NRXN1: variants seen among roughly 807,000 people sequenced by gnomAD.
NRXN1 encodes neurexin-1.
A neutral mutation model predicts 150.9 loss-of-function variants in NRXN1; 39 were observed. That is an observed-to-expected ratio of 0.26 (90% CI 0.20 to 0.34). The LOEUF (loss-of-function observed/expected upper bound fraction) is 0.34. NRXN1 is among the 10% of genes least tolerant of loss of function. The pLI is 1.00. For synonymous variants in NRXN1, 924 were observed against 757.0 expected (o/e 1.22, Z -3.62); for missense variants, 1,815 against 1,949.9 (o/e 0.93, Z 1.30).
At chr2:50,814,857 T>C (rs1337559492) in intron 5 of NRXN1, among the ~76,000 whole-genome samples, 1 of 152,166 alleles carries the variant, frequency 6.6e-6, no homozygotes, top group Admixed American at 6.6e-5. Flanking sequence ...GGGAATAAGC[T>C]GGACACCATC....
chr2:50,934,126 T>G (rs1310279521), intron 2 of NRXN1, among the ~76,000 whole-genome samples: 4 of 152,148 alleles, frequency 2.6e-5, no homozygotes, highest in Non-Finnish European at 5.9e-5. Context: ...AGTACCAGCA[T>G]GTGTGTATCT....
At chr2:50,579,892 C>T (rs1218091321) in intron 8 of NRXN1, among the ~76,000 whole-genome samples, 1 of 152,070 alleles carries the variant, frequency 6.6e-6, no homozygotes, top group Non-Finnish European at 1.5e-5. Flanking sequence ...ATGGCAATGT[C>T]ACTAAAGTTA....
chr2:51,028,407 C>G lies in NRXN1; in HGVS notation c.-134G>C, dbSNP rs1035188476. On this transcript the variant is annotated 5_prime_UTR_variant, in exon 2 of 23. Coordinates refer to ENST00000401669, the MANE Select transcript of NRXN1 (RefSeq NM_001330078.2). ...AAGGCGGGAGTGAGAGGGATGTGCC[C>G]TCCTTTATCTAGTTCTTTTTTTCTT... 4 of 519,384 alleles carry G rather than the reference C, an allele frequency of 7.7e-6. No homozygotes were observed. Among genetic ancestry groups the G allele is most frequent in the African/African-American group, 2.0e-5 (1 of 51,076 alleles). The allele number at this position is 519,384 out of a possible 1,614,324, so 32.2% of individuals were successfully genotyped here. A position where few individuals can be genotyped will look rare whatever the true frequency, so the allele number is the denominator to read the frequency against.
chr2:50,658,744 C>T (rs1320703002), intron 5 of NRXN1, among the ~76,000 whole-genome samples: 2 of 151,968 alleles, frequency 1.3e-5, no homozygotes, highest in African/African-American at 2.4e-5. Context: ...CCAAAATTAA[C>T]ATCATTTCCT....
intron 2 of NRXN1, among the ~76,000 whole-genome samples, chr2:50,986,551 C>T (rs1032473763): frequency 6.6e-6 from 1 of 151,558 alleles, no homozygotes; most frequent in Non-Finnish European, 1.5e-5. Flanking sequence ...GAATACTAAA[C>T]ATTAACATAG....
Position 50,477,473 on chromosome 2 carries a change from C to T in NRXN1, c.3071-5002G>A, listed in dbSNP as rs192303292. On this transcript the variant is annotated intron_variant, in intron 15 of 22. Coordinates refer to ENST00000401669, the MANE Select transcript of NRXN1 (RefSeq NM_001330078.2). ...GCTTAGAGGCCTTCCTTGGGAGCCACCAACCAAAAGCAGACAAATGACGCG... is the reference window on the plus strand; with the variant it reads ...GCTTAGAGGCCTTCCTTGGGAGCCATCAACCAAAAGCAGACAAATGACGCG... 6.6e-5 allele frequency among the ~76,000 whole-genome samples: 10 copies of T among 152,176 alleles called. 1 individual carries two copies. The highest frequency in any genetic ancestry group is 2.2e-4 in the African/African-American group (9 of 41,518).
intron 21 of NRXN1, among the ~76,000 whole-genome samples, chr2:50,000,402 T>A (rs951934700): frequency 1.3e-5 from 2 of 152,152 alleles, no homozygotes; most frequent in African/African-American, 4.8e-5. Flanking sequence ...GAAGCAGACA[T>A]CATCATAGCT....
At chr2:50,632,930 T>A (rs1447501418) in intron 5 of NRXN1, 1 of 152,086 alleles carries the variant, frequency 6.6e-6, no homozygotes, top group Non-Finnish European at 1.5e-5. Flanking sequence ...AATCTCTCAA[T>A]TTTTATTCTC....
At chr2:50,862,477 T>C (rs1188238842) in intron 5 of NRXN1, among the ~76,000 whole-genome samples, 1 of 152,040 alleles carries the variant, frequency 6.6e-6, no homozygotes, top group Non-Finnish European at 1.5e-5. Context: ...TGGATACATT[T>C]CTTTCAGCAT....
chr2:50,119,072 A>G (rs1291419199), intron 18 of NRXN1, among the ~76,000 whole-genome samples: 1 of 152,026 alleles, frequency 6.6e-6, no homozygotes, highest in Non-Finnish European at 1.5e-5. Context: ...CGTCTCTGTA[A>G]GAGCTTTGTG....
At chr2:50,853,353 C>G (rs1674787143) in intron 5 of NRXN1, among the ~76,000 whole-genome samples, 2 of 152,032 alleles carry the variant, frequency 1.3e-5, no homozygotes, top group Admixed American at 1.3e-4. Context: ...TCTTCATGTC[C>G]AAGTTTGCCA....
chr2:50,925,672 T>A (rs538449845), intron 3 of NRXN1, among the ~76,000 whole-genome samples: 1 of 151,972 alleles, frequency 6.6e-6, no homozygotes, highest in Middle Eastern at 3.2e-3. Flanking sequence ...ATTTTTCTCA[T>A]ACAGAACACT....
chr2:50,143,325 T>C (rs1042025358), intron 18 of NRXN1, among the ~76,000 whole-genome samples: 53 of 151,878 alleles, frequency 3.5e-4, no homozygotes, highest in African/African-American at 1.3e-3. Context: ...CGAAAACTAA[T>C]GTGCTTAAGT....
chr2:50,074,337 T>C (rs1696740463), intron 19 of NRXN1, among the ~76,000 whole-genome samples: 2 of 152,136 alleles, frequency 1.3e-5, no homozygotes, highest in Admixed American at 1.3e-4. Flanking sequence ...CTTGCTTTCT[T>C]AAATATGTAA....
At chr2:50,261,688 C>A (rs549108950) in intron 17 of NRXN1, among the ~76,000 whole-genome samples, 16 of 151,932 alleles carry the variant, frequency 1.1e-4, no homozygotes, top group African/African-American at 3.6e-4. Context: ...GATATGTTAA[C>A]AATATAGAAA....
At chr2:50,952,780 T>C (rs747111432) in intron 2 of NRXN1, among the ~76,000 whole-genome samples, 6 of 152,162 alleles carry the variant, frequency 3.9e-5, no homozygotes, top group Non-Finnish European at 8.8e-5. Context: ...CTACTCTGAA[T>C]CATACTCCCC....
chr2:50,878,557 CTG>C (rs1454124662), intron 5 of NRXN1, among the ~76,000 whole-genome samples: 4 of 151,898 alleles, frequency 2.6e-5, no homozygotes, highest in African/African-American at 4.8e-5. Flanking sequence ...TTTATAAACT[CTG>C]TAATTCTAGA....
chr2:50,616,178 A>C (rs563638987), intron 8 of NRXN1: 4 of 152,128 alleles, frequency 2.6e-5, no homozygotes, highest in Admixed American at 6.5e-5. Flanking sequence ...AATATGAATT[A>C]TTTAAAAAAA....
At chr2:51,004,816 C>A (rs548516278) in intron 2 of NRXN1, among the ~76,000 whole-genome samples, 1 of 151,946 alleles carries the variant, frequency 6.6e-6, no homozygotes, top group African/African-American at 2.4e-5. Context: ...TTTCTTGTGC[C>A]AAGGTTACTG....
Sources: allele counts gnomAD v4.1 joint callset (sites outside exome capture counted in the v4.1 genomes callset), GRCh38; gene constraint gnomAD v4.1.1; transcripts MANE v1.5; gene names NCBI Gene and HGNC (gene_info 2026-07-23, HGNC 2026-07-21).